The following ATG10 variants were observed in gnomAD, a reference collection of about 807,000 sequenced individuals.
ATG10 encodes the protein ubiquitin-like-conjugating enzyme ATG10.
A neutral mutation model predicts 32.1 loss-of-function variants in ATG10; 30 were observed. The ratio of observed to expected loss-of-function variants is 0.94; its 90% CI spans 0.70 to 1.27. ATG10 has a LOEUF of 1.27. Among genes scored for constraint, ATG10 ranks in the 50% most tolerant of loss-of-function variants. ATG10 has a pLI of 0.00. For missense variants in ATG10, 233 were observed against 262.3 expected, an observed-to-expected ratio of 0.89 and a Z score of 0.77; for synonymous variants, 87 against 91.5, an observed-to-expected ratio of 0.95 and a Z score of 0.28.
chr5:82,028,609 G>A (rs1762658465), intron 2 of ATG10, among the ~76,000 whole-genome samples: 1 of 152,140 alleles, frequency 6.6e-6, no homozygotes, highest in Admixed American at 6.5e-5. Flanking sequence ...CTGCAACTGA[G>A]GCTGCTTCAC....
At position 82,046,570 on chromosome 5, in the gene ATG10, C is replaced by A. The variant is rs573358422; in HGVS notation, c.109-11925C>A. Reference sequence around the variant, plus strand: ...AGCAAATGTTTGTTGTTTTAAGCCACCAGTTTGTGGTACTTTGTACAGCCC... The same window carrying A: ...AGCAAATGTTTGTTGTTTTAAGCCAACAGTTTGTGGTACTTTGTACAGCCC... On this transcript the variant is annotated intron_variant, in intron 2 of 7. Transcript: ENST00000282185. 2.4e-4 allele frequency among the ~76,000 whole-genome samples: 36 copies of A among 152,330 alleles called. 1 individual carries two copies. In the South Asian group the frequency reaches 7.5e-3, roughly 32 times the overall value.
chr5:82,024,430 CAG>C (rs1296807735), intron 2 of ATG10, among the ~76,000 whole-genome samples: 2 of 152,182 alleles, frequency 1.3e-5, no homozygotes, highest in African/African-American at 2.4e-5. Flanking sequence ...AGCAGTTTGA[CAG>C]AGTAATTTCT....
intron 3 of ATG10, among the ~76,000 whole-genome samples, chr5:82,161,696 AACACACAC>A (rs60780834): frequency 1.8e-4 from 23 of 129,724 alleles, no homozygotes; most frequent in African/African-American, 4.0e-4. Flanking sequence ...TTAGAGAATA[AACACACAC>A]ACACACACAC....
intron 3 of ATG10, among the ~76,000 whole-genome samples, chr5:82,150,519 A>G (rs1423390134): frequency 6.6e-6 from 1 of 152,226 alleles, no homozygotes; most frequent in African/African-American, 2.4e-5. Flanking sequence ...TTTATCATTA[A>G]CATTGCAAAT....
chr5:82,082,320 A>G (rs1475298903), intron 3 of ATG10, among the ~76,000 whole-genome samples: 1 of 152,174 alleles, frequency 6.6e-6, no homozygotes, highest in African/African-American at 2.4e-5. Flanking sequence ...TATATTCTGG[A>G]GTTCAGTGTG....
At chr5:82,168,905 G>A (rs1325721237) in intron 4 of ATG10, among the ~76,000 whole-genome samples, 1 of 152,198 alleles carries the variant, frequency 6.6e-6, no homozygotes, top group Non-Finnish European at 1.5e-5. Flanking sequence ...AAAGATGGGG[G>A]TTGGAGGAAG....
In ATG10 at chr5:82,255,449, C is replaced by T. The variant is rs541310307; in HGVS notation, c.*1386C>T. Reference sequence around the variant, plus strand: ...TGCTTTCATTTGCTAGGAGCTGAAACGAAGATTAAAATGTCATTGGCTTTT... The same window carrying T: ...TGCTTTCATTTGCTAGGAGCTGAAATGAAGATTAAAATGTCATTGGCTTTT... On this transcript the variant is annotated 3_prime_UTR_variant, in exon 8 of 8. Transcript: ENST00000282185. 9 of 151,838 alleles carry T rather than the reference C, an allele frequency of 5.9e-5. No homozygotes were observed. The highest frequency in any genetic ancestry group is 2.1e-4 in the South Asian group (1 of 4,796). The allele number at this position is 151,838 out of a possible 1,614,324, so 9.4% of individuals were successfully genotyped here.
intron 2 of ATG10, among the ~76,000 whole-genome samples, chr5:82,002,910 C>G (rs921170338): frequency 6.6e-6 from 1 of 152,132 alleles, no homozygotes; most frequent in East Asian, 1.9e-4. Context: ...ATACAACAAA[C>G]CTGCTCTTGT....
chr5:82,025,241 A>G (rs886522358), intron 2 of ATG10, among the ~76,000 whole-genome samples: 2 of 152,220 alleles, frequency 1.3e-5, no homozygotes, highest in African/African-American at 4.8e-5. Context: ...AATGTGTTAT[A>G]TAACATAGGG....
intron 4 of ATG10, among the ~76,000 whole-genome samples, chr5:82,166,464 T>C (rs947992666): frequency 6.6e-6 from 1 of 152,210 alleles, no homozygotes; most frequent in African/African-American, 2.4e-5. Context: ...GCATACTGAA[T>C]GTTTTCTGGT....
At chr5:82,101,137 TA>T (rs1765257268) in intron 3 of ATG10, among the ~76,000 whole-genome samples, 1 of 152,170 alleles carries the variant, frequency 6.6e-6, no homozygotes, top group Non-Finnish European at 1.5e-5. Context: ...AGTTCCTAAT[TA>T]AGTTGTGGAT....
intron 1 of ATG10, among the ~76,000 whole-genome samples, chr5:81,985,887 C>T (rs966132964): frequency 6.6e-6 from 1 of 152,264 alleles, no homozygotes; most frequent in Middle Eastern, 3.4e-3. Flanking sequence ...CTCAGCCTCT[C>T]GAGTAGCTGG....
rs116046712 is a variant in ATG10 at position 82,211,128 on chromosome 5, A to C, written c.453+32541A>C. Among the ~76,000 whole-genome samples, 1,160 of 152,258 alleles carry C rather than the reference A, an allele frequency of 7.6e-3. 9 individuals carry two copies. Among genetic ancestry groups the C allele is most frequent in the African/African-American group, 0.024 (986 of 41,554 alleles). On this transcript the variant is annotated intron_variant, in intron 5 of 7. Coordinates refer to ENST00000282185, the MANE Select transcript of ATG10 (RefSeq NM_031482.5). ...ACTTCTGGGTTTTAATTTCAGCACGATAGCTCCCAGTTGTAAAACACTGAA... is the reference window on the plus strand; with the variant it reads ...ACTTCTGGGTTTTAATTTCAGCACGCTAGCTCCCAGTTGTAAAACACTGAA...
At chr5:82,221,852 A>C (rs145313727) in intron 5 of ATG10, among the ~76,000 whole-genome samples, 1 of 152,356 alleles carries the variant, frequency 6.6e-6, no homozygotes, top group East Asian at 1.9e-4. Flanking sequence ...TATTGTTAGC[A>C]AACTCAGCAT....
At chr5:82,181,636 C>T (rs913390234) in intron 5 of ATG10, among the ~76,000 whole-genome samples, 1 of 152,074 alleles carries the variant, frequency 6.6e-6, no homozygotes, top group African/African-American at 2.4e-5. Context: ...CAGAATTATA[C>T]TAAAGAATCA....
intron 2 of ATG10, among the ~76,000 whole-genome samples, chr5:81,989,373 A>T (rs1761386110): frequency 6.6e-6 from 1 of 151,998 alleles, no homozygotes; most frequent in Non-Finnish European, 1.5e-5. Flanking sequence ...ACAAGCCATG[A>T]TTTCCTCTTG....
intron 3 of ATG10, among the ~76,000 whole-genome samples, chr5:82,077,896 G>A (rs551270012): frequency 6.6e-6 from 1 of 152,210 alleles, no homozygotes; most frequent in Non-Finnish European, 1.5e-5. Flanking sequence ...GTTCTTATAG[G>A]TTCTGATCTT....
chr5:81,991,318 A>T (rs954466837), intron 2 of ATG10, among the ~76,000 whole-genome samples: 3 of 151,510 alleles, frequency 2.0e-5, no homozygotes, highest in African/African-American at 7.3e-5. Context: ...TCAGAAATTT[A>T]TTTTTTTTTA....
At chr5:81,984,415 TGGGGAGAGGGAG>T (rs1275812091) in intron 1 of ATG10, among the ~76,000 whole-genome samples, 7 of 152,004 alleles carry the variant, frequency 4.6e-5, no homozygotes, top group Non-Finnish European at 8.8e-5. Context: ...AGGGAGACCG[TGGGGAGAGGGAG>T]AGGGAGAGGG....
Sources: allele counts gnomAD v4.1 joint callset (sites outside exome capture counted in the v4.1 genomes callset), GRCh38; gene constraint gnomAD v4.1.1; transcripts MANE v1.5; gene names NCBI Gene and HGNC (gene_info 2026-07-23, HGNC 2026-07-21).